ANKRD33B: variants seen among roughly 807,000 people sequenced by gnomAD.
The protein encoded by ANKRD33B is ankyrin repeat domain-containing protein 33B.
A neutral mutation model predicts 21.5 loss-of-function variants in ANKRD33B; 6 were observed. The ratio of observed to expected loss-of-function variants is 0.28; its 90% CI spans 0.15 to 0.55. The LOEUF is 0.55. Among genes scored for constraint, ANKRD33B ranks in the 20% least tolerant of loss-of-function variants. The probability of loss-of-function intolerance (pLI) is 0.94; values close to 1 mark genes in which losing one functional copy is unlikely to be tolerated. For missense variants in ANKRD33B, 698 were observed against 747.2 expected (o/e 0.93, Z 0.77); for synonymous variants, 347 against 342.4 (o/e 1.01, Z -0.15).
At chr5:10,608,196 C>A (rs201303419) in intron 1 of ANKRD33B, among the ~76,000 whole-genome samples, 471 of 112,812 alleles carry the variant, frequency 4.2e-3, no homozygotes, top group Middle Eastern at 8.4e-3. Flanking sequence ...TAAAAAAATA[C>A]AAAAAAAAAA....
chr5:10,606,782 G>A (rs1031294363), intron 1 of ANKRD33B, among the ~76,000 whole-genome samples: 1 of 151,584 alleles, frequency 6.6e-6, no homozygotes, highest in Admixed American at 6.5e-5. Flanking sequence ...AGGTTAGAGG[G>A]CAGTGGCGCA....
chr5:10,579,424 G>A (rs1735394687), intron 1 of ANKRD33B, among the ~76,000 whole-genome samples: 1 of 151,938 alleles, frequency 6.6e-6, no homozygotes, highest in South Asian at 2.1e-4. Context: ...CACAAATCAG[G>A]TGCTGAAGGG....
rs1386840819 is a variant in ANKRD33B at position 10,653,129 on chromosome 5, C to T, written c.*3016C>T. ...GATTGAGTTGGAGACTCTCCCCAGT[C>T]CCTCTCTCTGGACTCATTCTAGCTG... On this transcript the variant is annotated 3_prime_UTR_variant, in exon 4 of 4. Transcript: ENST00000296657. The T allele has an allele frequency of 6.2e-6, 1 of 161,512 alleles. No homozygotes were observed. The highest frequency in any genetic ancestry group is 2.4e-5 in the African/African-American group (1 of 41,770). The allele number at this position is 161,512 out of a possible 1,614,324, so 10.0% of individuals were successfully genotyped here. A position where few individuals can be genotyped will look rare whatever the true frequency, so the allele number is the denominator to read the frequency against.
In ANKRD33B at chr5:10,588,689, C is replaced by T. The variant is rs1458389394; in HGVS notation, c.366+23856C>T. ...TTGCCATATCCTTTTTCCCCTCTTC[C>T]GGGCAACCCACAATTTTCCAGGTAG... On this transcript the variant is annotated intron_variant, in intron 1 of 3. Transcript: ENST00000296657. 2.6e-5 allele frequency among the ~76,000 whole-genome samples: 4 copies of T among 152,150 alleles called. 1 individual carries two copies. The Middle Eastern group carries it at 9.5e-3, about 361-fold the overall frequency.
chr5:10,599,320 T>C (rs1027988790), intron 1 of ANKRD33B, among the ~76,000 whole-genome samples: 2 of 152,222 alleles, frequency 1.3e-5, no homozygotes, highest in African/African-American at 2.4e-5. Context: ...TGGGGCATAT[T>C]CCATTATTAA....
At chr5:10,609,875 C>T (rs1468670655) in intron 1 of ANKRD33B, among the ~76,000 whole-genome samples, 1 of 152,062 alleles carries the variant, frequency 6.6e-6, no homozygotes, top group Non-Finnish European at 1.5e-5. Context: ...TGCCATTGCA[C>T]TATAGCCTGG....
At chr5:10,637,425 GAC>G (rs59222148) in intron 2 of ANKRD33B, among the ~76,000 whole-genome samples, 17,954 of 100,174 alleles carry the variant, frequency 0.18, 1,681 homozygotes, top group Admixed American at 0.31. Context: ...TAGGTAGTTA[GAC>G]ACACACACAC....
rs1560990360 is a variant in ANKRD33B, at chr5:10,650,018, A to C, written c.1390A>C (p.Lys464Gln). 6.5e-7 allele frequency: 1 copy of C among 1,533,220 alleles called. No homozygotes were observed. The highest frequency in any genetic ancestry group is 1.2e-5 in the South Asian group (1 of 83,870). 95.0% of individuals were successfully genotyped at this position (1,533,220 alleles called of 1,614,324 possible). A position where few individuals can be genotyped will look rare whatever the true frequency, so the allele number is the denominator to read the frequency against. The change falls in exon 4 of 4, where the codon AAG (lysine) becomes CAG (glutamine). Residue 464 changes from lysine (K) to glutamine (Q), a missense_variant. By Grantham distance (53) the Lys-to-Gln change is moderately conservative (BLOSUM62 1). Transcript: ENST00000296657. ...CCCCAAGTGGCGGTACAAGGAGGCCAAGGAGGAGAAGAGGAAGGCAGAGGA... is the reference window on the plus strand; with the variant it reads ...CCCCAAGTGGCGGTACAAGGAGGCCCAGGAGGAGAAGAGGAAGGCAGAGGA... ...QIPKWRYKEA[K>Q]EEKRKAEEAE...
chr5:10,609,000 C>T (rs1354140359), intron 1 of ANKRD33B, among the ~76,000 whole-genome samples: 1 of 152,226 alleles, frequency 6.6e-6, no homozygotes, highest in Non-Finnish European at 1.5e-5. Context: ...CCAGTGCCAT[C>T]CTGATGCCAG....
intron 1 of ANKRD33B, among the ~76,000 whole-genome samples, chr5:10,606,773 G>C (rs1736054646): frequency 6.6e-6 from 1 of 150,502 alleles, no homozygotes; most frequent in Non-Finnish European, 1.5e-5. Flanking sequence ...CTGTCGCCCA[G>C]GTTAGAGGGC....
Position 10,573,393 on chromosome 5 carries a change from C to T in ANKRD33B, c.366+8560C>T, listed in dbSNP as rs574173815. On this transcript the variant is annotated intron_variant, in intron 1 of 3. Coordinates refer to ENST00000296657, the MANE Select transcript of ANKRD33B (RefSeq NM_001164440.2). ...TGAGGCAGGAGAATCACTTAAACCT[C>T]GGAGGCGGGGGTTGCAGTGAGCTGA... Among the ~76,000 whole-genome samples the T allele has an allele frequency of 7.1e-3, 1,053 of 148,170 alleles. 15 individuals are homozygous for T. The highest frequency in any genetic ancestry group is 0.025 in the African/African-American group (996 of 40,542).
chr5:10,646,217 G>C, intron 3 of ANKRD33B, among the ~76,000 whole-genome samples: 1 of 152,294 alleles, frequency 6.6e-6, no homozygotes, highest in East Asian at 1.9e-4. Context: ...ACATGATTGA[G>C]CCCTGGGCAA....
intron 1 of ANKRD33B, among the ~76,000 whole-genome samples, chr5:10,589,327 G>C (rs1735635475): frequency 6.6e-6 from 1 of 152,120 alleles, no homozygotes; most frequent in South Asian, 2.1e-4. Flanking sequence ...CCAGACCTGT[G>C]AGTAGTAAAC....
chr5:10,579,365 T>C (rs1250093335), intron 1 of ANKRD33B, among the ~76,000 whole-genome samples: 1 of 151,846 alleles, frequency 6.6e-6, no homozygotes, highest in African/African-American at 2.4e-5. Flanking sequence ...TTTTTTTTTT[T>C]TGGAAAAACC....
intron 2 of ANKRD33B, among the ~76,000 whole-genome samples, chr5:10,637,423 T>TACACAC (rs1326182714): frequency 6.2e-5 from 3 of 48,334 alleles, no homozygotes; most frequent in Admixed American, 2.5e-4. Flanking sequence ...CGTAGGTAGT[T>TACACAC]AGACACACAC....
In ANKRD33B at chr5:10,619,175, C is replaced by G. The variant is rs1412520228; in HGVS notation, c.496+713C>G. On this transcript the variant is annotated intron_variant, in intron 2 of 3. Transcript: ENST00000296657. The surrounding 1 kb of genome is among the most constrained non-coding windows in gnomAD (Gnocchi z 4.5). Reference sequence around the variant, plus strand: ...GGTCTTGACCAGGTTTATCACTGACCCCTTTCACATTTCTTTGCCTCCAAA... The same window carrying G: ...GGTCTTGACCAGGTTTATCACTGACGCCTTTCACATTTCTTTGCCTCCAAA... The G allele has an allele frequency of 1.9e-5, 6 of 320,354 alleles. No homozygotes were observed. The highest frequency in any genetic ancestry group is 1.3e-4 in the African/African-American group (6 of 44,552). 19.8% of individuals were successfully genotyped at this position (320,354 alleles called of 1,614,324 possible).
Position 10,653,519 on chromosome 5 carries a change from C to T in ANKRD33B, c.*3406C>T, listed in dbSNP as rs1224282878. On this transcript the variant is annotated 3_prime_UTR_variant, in exon 4 of 4. Transcript: ENST00000296657. ...GGGTGATCTGACGGGTCAGTTCATA[C>T]TTAAGCAACATTATTCTGTTCGTTT... 1 of 152,404 alleles carries T rather than the reference C, an allele frequency of 6.6e-6. No individual in the cohort carries two copies. Among genetic ancestry groups the T allele is most frequent in the Non-Finnish European group, 1.5e-5 (1 of 68,112 alleles). The allele number at this position is 152,404 out of a possible 1,614,324, so 9.4% of individuals were successfully genotyped here. A position where few individuals can be genotyped will look rare whatever the true frequency, so the allele number is the denominator to read the frequency against.
In ANKRD33B at chr5:10,652,745, C is replaced by T; in HGVS notation, c.*2632C>T. 9.8e-6 allele frequency: 2 copies of T among 203,574 alleles called. No individual in the cohort carries two copies. The highest frequency in any genetic ancestry group is 2.1e-5 in the Non-Finnish European group (2 of 94,110). 12.6% of individuals were successfully genotyped at this position (203,574 alleles called of 1,614,324 possible). On this transcript the variant is annotated 3_prime_UTR_variant, in exon 4 of 4. Transcript: ENST00000296657. This position sits in a 1 kb window ranked among gnomAD's most constrained non-coding sequence, Gnocchi z 4.1. ...TGTTCTGGAGTGGACGTGTTGCGGC[C>T]CTGCCCCCGATGTGTTCCAGCCTCA...
intron 1 of ANKRD33B, among the ~76,000 whole-genome samples, chr5:10,595,402 C>T (rs1382383448): frequency 2.0e-5 from 3 of 152,164 alleles, no homozygotes; most frequent in East Asian, 1.9e-4. Flanking sequence ...GGGAATTCTG[C>T]GGTCTGTGAC....
Sources: allele counts gnomAD v4.1 joint callset (sites outside exome capture counted in the v4.1 genomes callset), GRCh38; gene constraint gnomAD v4.1.1; non-coding constraint Gnocchi (gnomAD v3.1); transcripts MANE v1.5; gene names NCBI Gene and HGNC (gene_info 2026-07-23, HGNC 2026-07-21).